Variants in LRFN5 observed in about 807,000 individuals in gnomAD.
LRFN5 encodes the protein leucine-rich repeat and fibronectin type-III domain-containing protein 5.
LRFN5 carries 24 observed loss-of-function variants against 45.6 expected under a neutral mutation model. That is an observed-to-expected ratio of 0.53 (90% confidence interval 0.38 to 0.74). The LOEUF (loss-of-function observed/expected upper bound fraction) is 0.74. Among genes scored for constraint, LRFN5 ranks in the 30% least tolerant of loss-of-function variants. The pLI is 0.00. For missense variants in LRFN5, 776 were observed against 861.5 expected, an observed-to-expected ratio of 0.90 and a Z score of 1.24; for synonymous variants, 340 against 313.8, an observed-to-expected ratio of 1.08 and a Z score of -0.88.
At chr14:41,769,862 G>C (rs1886016985) in intron 2 of LRFN5, among the ~76,000 whole-genome samples, 2 of 152,098 alleles carry the variant, frequency 1.3e-5, no homozygotes. Context: ...TATGAGTCCA[G>C]TTTTCATTTG....
In LRFN5 at chr14:41,639,946, C is replaced by T. The variant is rs1262009741; in HGVS notation, c.-197+31384C>T. ...TACAGATGGATGCCAACATGACTGGCTAATTTTTTTTTTTTTTTTTTTTTT... is the reference window on the plus strand; with the variant it reads ...TACAGATGGATGCCAACATGACTGGTTAATTTTTTTTTTTTTTTTTTTTTT... On this transcript the variant is annotated intron_variant, in intron 1 of 5. Transcript: ENST00000298119. 4.7e-5 allele frequency among the ~76,000 whole-genome samples: 6 copies of T among 126,892 alleles called. No homozygotes were observed. In the East Asian group the frequency reaches 1.4e-3, roughly 29 times the overall value. 83.2% of individuals were successfully genotyped at this position (126,892 alleles called of 152,430 possible).
intron 1 of LRFN5, among the ~76,000 whole-genome samples, chr14:41,626,917 A>G (rs1283129352): frequency 1.3e-5 from 2 of 152,240 alleles, no homozygotes; most frequent in East Asian, 3.9e-4. Context: ...GGGTTTGTAC[A>G]GAAGAATGAA....
intron 2 of LRFN5, among the ~76,000 whole-genome samples, chr14:41,853,197 T>A (rs1889332697): frequency 6.6e-6 from 1 of 152,036 alleles, no homozygotes; most frequent in African/African-American, 2.4e-5. Context: ...ATTTTTCAAA[T>A]AAATTGTTCG....
intron 1 of LRFN5, among the ~76,000 whole-genome samples, chr14:41,645,987 A>C (rs1319892275): frequency 2.6e-5 from 4 of 152,118 alleles, no homozygotes; most frequent in Non-Finnish European, 5.9e-5. Flanking sequence ...ATTTTATTTC[A>C]TGTTTTAGTT....
At chr14:41,851,491 G>T (rs1889265599) in intron 2 of LRFN5, among the ~76,000 whole-genome samples, 2 of 151,676 alleles carry the variant, frequency 1.3e-5, no homozygotes, top group South Asian at 4.1e-4. Flanking sequence ...TTATGTAAAA[G>T]TTCCCCAATA....
intron 1 of LRFN5, among the ~76,000 whole-genome samples, chr14:41,725,409 A>G (rs191766115): frequency 6.6e-6 from 1 of 152,250 alleles, no homozygotes; most frequent in East Asian, 1.9e-4. Context: ...TTATTTCTGT[A>G]TATCATGTGG....
chr14:41,857,073 A>G (rs901240610), intron 2 of LRFN5, among the ~76,000 whole-genome samples: 5 of 152,114 alleles, frequency 3.3e-5, no homozygotes, highest in East Asian at 1.9e-4. Flanking sequence ...GTATTTTGCA[A>G]TTCTTTCTTT....
At chr14:41,753,099 G>T (rs573761917) in intron 1 of LRFN5, among the ~76,000 whole-genome samples, 2 of 152,082 alleles carry the variant, frequency 1.3e-5, no homozygotes, top group South Asian at 4.2e-4. Flanking sequence ...TATTTCTGAG[G>T]GCTCTGTTCT....
At chr14:41,677,006 A>G (rs143756076) in intron 1 of LRFN5, among the ~76,000 whole-genome samples, 4 of 152,232 alleles carry the variant, frequency 2.6e-5, no homozygotes, top group African/African-American at 9.6e-5. Context: ...ACATGCATCC[A>G]GAGACAAAAG....
intron 1 of LRFN5, among the ~76,000 whole-genome samples, chr14:41,713,661 T>C (rs1411337489): frequency 1.3e-5 from 2 of 152,078 alleles, no homozygotes; most frequent in Non-Finnish European, 2.9e-5. Context: ...AATTAAAAAT[T>C]AAGAACGAAG....
intron 2 of LRFN5, among the ~76,000 whole-genome samples, chr14:41,788,641 A>G (rs1224572242): frequency 6.6e-6 from 1 of 152,134 alleles, no homozygotes; most frequent in Non-Finnish European, 1.5e-5. Flanking sequence ...TTACCTGGAG[A>G]TAGCACCAAA....
chr14:41,764,519 T>A (rs1885799758), intron 1 of LRFN5, among the ~76,000 whole-genome samples: 1 of 152,174 alleles, frequency 6.6e-6, no homozygotes, highest in South Asian at 2.1e-4. Flanking sequence ...TTTCAGTTGT[T>A]ACTGTGCTTT....
Position 41,891,685 on chromosome 14 carries a change from T to C in LRFN5, c.1821T>C (p.Ser607=). 1 of 1,614,154 alleles carries C rather than the reference T, an allele frequency of 6.2e-7. No homozygotes were observed. Among genetic ancestry groups the C allele is most frequent in the Non-Finnish European group, 8.5e-7 (1 of 1,180,014 alleles). The change falls in exon 4 of 6, where the codon AGT becomes AGC. Residue 607 remains serine, a synonymous_variant. Coordinates refer to ENST00000298119, the MANE Select transcript of LRFN5 (RefSeq NM_152447.5). ...ATGCCCAGTGTTGTAAAGCTACCAG[T>C]GACAATGTGATTCAATCTTCAGAAA... ...EENAQCCKAT[S]DNVIQSSETC... is the part of the protein sequence containing the mutation.
intron 2 of LRFN5, among the ~76,000 whole-genome samples, chr14:41,825,206 T>C (rs1888252147): frequency 2.6e-5 from 4 of 152,164 alleles, no homozygotes; most frequent in Non-Finnish European, 5.9e-5. Context: ...CTGTGGGTCC[T>C]GTCACCCTTA....
At chr14:41,608,861 A>G (rs911515989) in intron 1 of LRFN5, among the ~76,000 whole-genome samples, 1 of 152,202 alleles carries the variant, frequency 6.6e-6, no homozygotes, top group East Asian at 1.9e-4. Flanking sequence ...AGAGATCAAA[A>G]TTCTGTGTTT....
chr14:41,683,392 T>C (rs544280776), intron 1 of LRFN5, among the ~76,000 whole-genome samples: 1 of 152,304 alleles, frequency 6.6e-6, no homozygotes, highest in Non-Finnish European at 1.5e-5. Context: ...TAAACATTTC[T>C]TCTAACATCT....
chr14:41,859,979 G>A (rs569481551), intron 2 of LRFN5, among the ~76,000 whole-genome samples: 3 of 152,174 alleles, frequency 2.0e-5, no homozygotes. Flanking sequence ...AAAGACATGT[G>A]GAGTATACTT....
intron 1 of LRFN5, among the ~76,000 whole-genome samples, chr14:41,613,034 A>G (rs1436285882): frequency 6.6e-6 from 1 of 152,144 alleles, no homozygotes; most frequent in African/African-American, 2.4e-5. Context: ...GTTGGTTAAT[A>G]AGTGATAAAA....
In LRFN5 at chr14:41,651,857, G is replaced by A. The variant is rs1209692316; in HGVS notation, c.-197+43295G>A. On this transcript the variant is annotated intron_variant, in intron 1 of 5. Coordinates refer to ENST00000298119, the MANE Select transcript of LRFN5 (RefSeq NM_152447.5). Reference sequence around the variant, plus strand: ...ACTAGAAGTACAAGAACAACGTGTTGGCAGGGTTGGTTTCTTCTGAGGCGT... The same window carrying A: ...ACTAGAAGTACAAGAACAACGTGTTAGCAGGGTTGGTTTCTTCTGAGGCGT... Among the ~76,000 whole-genome samples the A allele has an allele frequency of 2.6e-5, 4 of 152,236 alleles. No individual in the cohort carries two copies. The East Asian group carries it at 5.8e-4, about 22-fold the overall frequency.
Sources: gnomAD v4.1 joint callset for allele counts (sites outside exome capture counted in the v4.1 genomes callset) on GRCh38, gnomAD v4.1.1 for gene constraint, MANE v1.5 for transcripts, NCBI Gene and HGNC (gene_info 2026-07-23, HGNC 2026-07-21) for gene names.